The following AXL variants were observed in gnomAD, a reference collection of about 807,000 sequenced individuals.
AXL encodes the protein AXL receptor tyrosine kinase.
AXL carries 52 observed loss-of-function variants against 104.5 expected under a neutral mutation model. That is an observed-to-expected ratio of 0.50 (90% CI 0.40 to 0.63). The LOEUF is 0.63. Among genes scored for constraint, AXL ranks in the 20% least tolerant of loss-of-function variants. The probability of loss-of-function intolerance (pLI) is 0.00; values close to 1 mark genes in which losing one functional copy is unlikely to be tolerated. For synonymous variants in AXL, 455 were observed against 473.7 expected, an observed-to-expected ratio of 0.96 and a Z score of 0.51; for missense variants, 1,024 against 1,188.5, an observed-to-expected ratio of 0.86 and a Z score of 2.04.
chr19:41,257,503 G>T lies in AXL; in HGVS notation c.2207G>T (p.Gly736Val). 6.2e-7 allele frequency: 1 copy of T among 1,614,084 alleles called. No individual in the cohort carries two copies. Among genetic ancestry groups the T allele is most frequent in the Non-Finnish European group, 8.5e-7 (1 of 1,180,006 alleles). ...CTCTGCCCCTCACAGTGGTCCTTCG[G>T]GGTGACAATGTGGGAGATTGCCACA... ...YTSKSDVWSFGVTMWEIATRG... is the reference protein window; with the variant it reads ...YTSKSDVWSFVVTMWEIATRG... Residue 736 changes from glycine (G) to valine (V), a missense_variant, in exon 19 of 20, where the codon GGG becomes GTG. Around this residue, in one of 5 missense-constraint regions of AXL, gnomAD observed 523 missense variants for 636.0 expected, o/e 0.82. Transcript: ENST00000301178.
intron 12 of AXL, among the ~76,000 whole-genome samples, chr19:41,247,072 A>G (rs544643189): frequency 1.3e-5 from 2 of 152,366 alleles, no homozygotes; most frequent in South Asian, 4.1e-4. Flanking sequence ...CAGACACAAA[A>G]GAGAATATAC....
chr19:41,259,481 G>C, intron 19 of AXL, 72 bp from the exon 20 acceptor site: 1 of 1,365,254 alleles, frequency 7.3e-7, no homozygotes, highest in Non-Finnish European at 1.0e-6. Context: ...GTCCTAAAAT[G>C]TCCCCAGGCT....
rs775611992 is a variant in AXL, at chr19:41,238,545, G to A, written c.1070G>A (p.Arg357Gln). The change falls in exon 8 of 20, where the codon CGG (arginine) becomes CAG (glutamine). Residue 357 changes from arginine to glutamine, a missense_variant. Coordinates refer to ENST00000301178, the MANE Select transcript of AXL (RefSeq NM_021913.5). Reference protein sequence around the residue: ...SQAFVHWQEPRAPLQGTLLGY... With the variant: ...SQAFVHWQEPQAPLQGTLLGY... Reference sequence around the variant, plus strand: ...GCCTTCGTGCATTGGCAAGAGCCCCGGGCGCCCCTGCAGGGTACCCTGTTA... The same window carrying A: ...GCCTTCGTGCATTGGCAAGAGCCCCAGGCGCCCCTGCAGGGTACCCTGTTA... 9.9e-6 allele frequency: 16 copies of A among 1,613,858 alleles called. No homozygotes were observed. The highest frequency in any genetic ancestry group is 1.7e-5 in the Admixed American group (1 of 59,980).
intron 4 of AXL, 151 bp from the exon 5 acceptor site, chr19:41,230,816 C>T (rs2033972659): frequency 1.3e-6 from 1 of 792,516 alleles, no homozygotes; most frequent in South Asian, 1.5e-5. Context: ...ACTCATTGCC[C>T]TCAACTCTGC....
chr19:41,245,418 A>C (rs1187913629), intron 12 of AXL, among the ~76,000 whole-genome samples: 2 of 152,216 alleles, frequency 1.3e-5, no homozygotes, highest in African/African-American at 4.8e-5. Flanking sequence ...GGGATCTCAG[A>C]GGCCCAGTCA....
chr19:41,228,952 C>CTTTCTTT, intron 4 of AXL, among the ~76,000 whole-genome samples: 1 of 115,948 alleles, frequency 8.6e-6, no homozygotes, highest in East Asian at 2.4e-4. Context: ...CTTTTCTTTT[C>CTTTCTTT]TTTCTTTTTT....
chr19:41,252,396 C>T lies in AXL; in HGVS notation c.1757C>T (p.Ala586Val), dbSNP rs1352416510. 7 of 1,613,828 alleles carry T rather than the reference C, an allele frequency of 4.3e-6. No homozygotes were observed. Among genetic ancestry groups the T allele is most frequent in the South Asian group, 1.1e-5 (1 of 91,058 alleles). Residue 586 changes from alanine to valine, a missense_variant, in exon 15 of 20, where the codon GCG (alanine) becomes GTG (valine). Coordinates refer to ENST00000301178, the MANE Select transcript of AXL (RefSeq NM_021913.5). ...RSELEDFLSE[A>V]VCMKEFDHPN... ...GAGCTGGAGGATTTCCTGAGTGAAG[C>T]GGTCTGCATGAAGGAATTTGACCAT...
At chr19:41,233,846 T>A (rs1394569308) in intron 6 of AXL, among the ~76,000 whole-genome samples, 1 of 151,722 alleles carries the variant, frequency 6.6e-6, no homozygotes, top group Admixed American at 6.6e-5. Flanking sequence ...TCTACCCACA[T>A]CACCAAGTGT....
chr19:41,233,209 C>T (rs548687749), intron 6 of AXL, among the ~76,000 whole-genome samples: 2 of 152,038 alleles, frequency 1.3e-5, no homozygotes, highest in East Asian at 1.9e-4. Context: ...AGGCTGGTCT[C>T]GAACTCTTGA....
intron 4 of AXL, among the ~76,000 whole-genome samples, chr19:41,230,532 CTG>C (rs1269084220): frequency 7.3e-6 from 1 of 137,870 alleles, no homozygotes; most frequent in African/African-American, 2.8e-5. Context: ...TTGTGTGTGT[CTG>C]TGTCTGTGTG....
At chr19:41,227,228 CG>C (rs1489003160) in intron 4 of AXL, among the ~76,000 whole-genome samples, 3 of 152,036 alleles carry the variant, frequency 2.0e-5, no homozygotes, top group African/African-American at 7.2e-5. Context: ...CACCAGGATA[CG>C]TTCTCTAAGA....
In AXL at chr19:41,221,154, C is replaced by T. The variant is rs2033783710; in HGVS notation, c.317C>T (p.Ser106Phe). ...WIVVSQLRIT[S>F]LQLSDTGQYQ... Reference sequence around the variant, plus strand: ...TCCTCTTGCCCTGTCAGAATCACCTCCCTGCAGCTTTCCGACACGGGACAG... The same window carrying T: ...TCCTCTTGCCCTGTCAGAATCACCTTCCTGCAGCTTTCCGACACGGGACAG... Residue 106 changes from serine to phenylalanine, a missense_variant, in exon 3 of 20, where the codon TCC becomes TTC. Ser to Phe is a radical substitution (Grantham distance 155). This residue lies in a region of AXL where 41 missense variants were observed against 76.2 expected (regional missense o/e 0.54). Coordinates refer to ENST00000301178, the MANE Select transcript of AXL (RefSeq NM_021913.5). 1.9e-6 allele frequency: 3 copies of T among 1,613,952 alleles called. No individual in the cohort carries two copies. In the East Asian group the frequency reaches 6.7e-5, roughly 36 times the overall value.
At chr19:41,231,926 C>CA (rs35258825) in intron 6 of AXL, among the ~76,000 whole-genome samples, 50 of 126,354 alleles carry the variant, frequency 4.0e-4, no homozygotes, top group East Asian at 6.8e-4. Flanking sequence ...GACTCTGTCT[C>CA]AAAAAAAAAA....
rs757565042 is a variant in AXL, at chr19:41,252,386, C to T, written c.1747C>T (p.Leu583=). ...ICTRSELEDF[L]SEAVCMKEFD... ...CACGAGGTCAGAGCTGGAGGATTTC[C>T]TGAGTGAAGCGGTCTGCATGAAGGA... The change falls in exon 15 of 20, where the codon CTG becomes TTG. Residue 583 remains leucine (L), a synonymous_variant. Transcript: ENST00000301178. 1 of 1,613,890 alleles carries T rather than the reference C, an allele frequency of 6.2e-7. No individual in the cohort carries two copies. The highest frequency in any genetic ancestry group is 1.1e-5 in the South Asian group (1 of 91,074).
At chr19:41,230,383 G>C (rs997363223) in intron 4 of AXL, among the ~76,000 whole-genome samples, 1 of 151,336 alleles carries the variant, frequency 6.6e-6, no homozygotes, top group Non-Finnish European at 1.5e-5. Context: ...GTGTCTATGT[G>C]TGTGTATGAG....
At chr19:41,225,550 T>C (rs993787313) in intron 4 of AXL, among the ~76,000 whole-genome samples, 3 of 152,248 alleles carry the variant, frequency 2.0e-5, no homozygotes, top group Non-Finnish European at 4.4e-5. Flanking sequence ...TCTGTGTGTG[T>C]TGGCATCAGC....
intron 14 of AXL, among the ~76,000 whole-genome samples, chr19:41,249,408 T>C (rs776746619): frequency 2.0e-5 from 3 of 151,986 alleles, no homozygotes; most frequent in Non-Finnish European, 4.4e-5. Context: ...TCAGCTATGA[T>C]CATGCCACTG....
chr19:41,240,798 C>T (rs185401469), intron 10 of AXL, among the ~76,000 whole-genome samples: 2 of 152,236 alleles, frequency 1.3e-5, no homozygotes, highest in African/African-American at 2.4e-5. Flanking sequence ...CCATACCTTC[C>T]ACATTGCAAA....
In AXL at chr19:41,231,424, G is replaced by T. The variant is rs77142490; in HGVS notation, c.783+126G>T. The T allele has an allele frequency of 0.033, 28,969 of 878,304 alleles. 1,484 individuals are homozygous for T. The highest frequency in any genetic ancestry group is 0.18 in the African/African-American group (10,538 of 58,762). 54.4% of individuals were successfully genotyped at this position (878,304 alleles called of 1,614,324 possible). On this transcript the variant is annotated intron_variant, in intron 6 of 19. Coordinates refer to ENST00000301178, the MANE Select transcript of AXL (RefSeq NM_021913.5). ...GTTGAGAAGCAGTAGAGCCTGGGGGGTTAAGCCAGATGTCCTGGGTTCGAA... is the reference window on the plus strand; with the variant it reads ...GTTGAGAAGCAGTAGAGCCTGGGGGTTTAAGCCAGATGTCCTGGGTTCGAA...
Sources: gnomAD v4.1 joint callset for allele counts (sites outside exome capture counted in the v4.1 genomes callset) on GRCh38, gnomAD v4.1.1 for gene constraint, gnomAD v4.1.1 regional missense constraint, MANE v1.5 for transcripts, NCBI Gene and HGNC (gene_info 2026-07-23, HGNC 2026-07-21) for gene names.